Variants in REC8 observed in about 807,000 individuals in gnomAD.
REC8 encodes the protein meiotic recombination protein REC8 homolog.
Under a neutral mutation model 78.3 loss-of-function variants are expected in REC8, and 42 were observed. The ratio of observed to expected loss-of-function variants is 0.54; its 90% CI spans 0.42 to 0.69. The LOEUF is 0.69. Among genes scored for constraint, REC8 ranks in the 30% least tolerant of loss-of-function variants. The probability of loss-of-function intolerance (pLI) is 0.00; values close to 1 mark genes in which losing one functional copy is unlikely to be tolerated. For missense variants in REC8, 581 were observed against 715.8 expected (o/e 0.81, Z 2.15); for synonymous variants, 268 against 274.1 (o/e 0.98, Z 0.22).
rs1289789859 is a variant in REC8 at position 24,179,129 on chromosome 14, T to C, written c.1248T>C (p.Ser416=). Residue 416 remains serine, a synonymous_variant, in exon 15 of 19, where the codon TCT becomes TCC. Transcript: ENST00000611366. ...AGCCCAGTGTTCCCCTTATGGTGTC[T>C]TTAGGTAAGCACCTAGAGAAGAGGC... ...ALEPSVPLMV[S]LEISLEAAEE... 1.3e-6 allele frequency: 2 copies of C among 1,573,928 alleles called. No homozygotes were observed. Among genetic ancestry groups the C allele is most frequent in the Non-Finnish European group, 1.7e-6 (2 of 1,159,372 alleles).
intron 5 of REC8, among the ~76,000 whole-genome samples, chr14:24,174,567 C>T (rs1213514479): frequency 4.6e-5 from 7 of 152,144 alleles, no homozygotes; most frequent in South Asian, 4.1e-4. Context: ...TGTGAACCAC[C>T]GTGCCTGGCA....
intron 11 of REC8, 50 bp from the exon 12 acceptor site, chr14:24,178,041 A>G: frequency 6.3e-7 from 1 of 1,575,926 alleles, no homozygotes; most frequent in Non-Finnish European, 8.6e-7. Flanking sequence ...GAATGACAGG[A>G]AAAGGAGTAA....
At chr14:24,180,586 G>C, downstream of REC8, 2 of 1,613,014 alleles carry the variant, frequency 1.2e-6, no homozygotes, top group Non-Finnish European at 8.5e-7. Flanking sequence ...GGTGGAGAGG[G>C]AGGGAGAAAG....
intron 15 of REC8, 104 bp from the exon 16 acceptor site, chr14:24,179,293 T>C: frequency 7.4e-7 from 1 of 1,349,158 alleles, no homozygotes; most frequent in Non-Finnish European, 1.1e-6. Flanking sequence ...TATGTGCTTT[T>C]AACAAGTCAC....
intron 2 of REC8, 26 bp from the exon 3 acceptor site, chr14:24,172,873 G>T (rs371053208): frequency 6.2e-7 from 1 of 1,613,438 alleles, no homozygotes; most frequent in African/African-American, 1.3e-5. Context: ...TGGACGCAGC[G>T]GTAATCAGGG....
downstream of REC8, chr14:24,180,597 G>A (rs1291431114): frequency 6.2e-7 from 1 of 1,612,408 alleles, no homozygotes; most frequent in Non-Finnish European, 8.5e-7. Context: ...AGGGAGAAAG[G>A]TCGGGGCTCC....
chr14:24,174,618 T>G (rs953523744), intron 5 of REC8, among the ~76,000 whole-genome samples: 1 of 152,162 alleles, frequency 6.6e-6, no homozygotes, highest in Non-Finnish European at 1.5e-5. Context: ...GACTTCTCTC[T>G]CAGTCCTCTG....
rs1284738266 is a variant in REC8 at position 24,178,842 on chromosome 14, C to T, written c.1129C>T (p.Leu377Phe). Residue 377 changes from leucine to phenylalanine, a missense_variant, in exon 14 of 19, where the codon CTC becomes TTC. Transcript: ENST00000611366. ...TTGTGCCCAGCCACCCCCAAAAGCCCTCAGGCGAGAGCTGCCTGAGGAGGC... is the reference window on the plus strand; with the variant it reads ...TTGTGCCCAGCCACCCCCAAAAGCCTTCAGGCGAGAGCTGCCTGAGGAGGC... ...THCAQPPPKA[L>F]RRELPEEAAA... is the part of the protein sequence containing the mutation. 6 of 1,613,706 alleles carry T rather than the reference C, an allele frequency of 3.7e-6. No homozygotes were observed. The highest frequency in any genetic ancestry group is 5.1e-6 in the Non-Finnish European group (6 of 1,180,018).
rs1474290139 is a variant in REC8, at chr14:24,178,916, G to A, written c.1203G>A (p.Glu401=). Residue 401 remains glutamate (E), a splice_region_variant and synonymous_variant, in exon 14 of 19, where the codon GAG becomes GAA. Transcript: ENST00000611366. ...RRKIEVPSEI[E]VPREALEPSV... ...AGATTGAAGTTCCAAGTGAGATTGA[G>A]GTAACTGCACCACCTGTTTACTGCA... 12 of 1,613,162 alleles carry A rather than the reference G, an allele frequency of 7.4e-6. 1 individual carries two copies. The South Asian group carries it at 1.1e-4, about 15-fold the overall frequency.
downstream of REC8, chr14:24,180,301 C>A (rs1051791051): frequency 4.6e-6 from 7 of 1,508,304 alleles, no homozygotes; most frequent in Non-Finnish European, 6.2e-6. Context: ...TCAGGGACAG[C>A]CCTGTAAGGC....
chr14:24,174,085 GA>G lies in REC8; in HGVS notation c.462+676del, dbSNP rs534852363. Among the ~76,000 whole-genome samples, 663 of 151,902 alleles carry G rather than the reference GA, an allele frequency of 4.4e-3. 5 individuals carry two copies. The Middle Eastern group carries it at 0.048, about 11-fold the overall frequency. Reference sequence around the variant, plus strand: ...TCACCATGCTGGCCAGGCTGGTTTCGAACCCCTGACCTCATGATCTGCCTGT... The same window carrying G: ...TCACCATGCTGGCCAGGCTGGTTTCGACCCCTGACCTCATGATCTGCCTGT... On this transcript the variant is annotated intron_variant, in intron 5 of 18. Coordinates refer to ENST00000611366, the MANE Select transcript of REC8 (RefSeq NM_001048205.2).
At chr14:24,173,772 G>A (rs1016632432) in intron 5 of REC8, among the ~76,000 whole-genome samples, 9 of 152,052 alleles carry the variant, frequency 5.9e-5, no homozygotes, top group African/African-American at 2.2e-4. Context: ...CCCCTTCCTT[G>A]GTTCCCCATT....
Position 24,179,381 on chromosome 14 carries a change from T to C in REC8, c.1253-16T>C, listed in dbSNP as rs60565804. The C allele has an allele frequency of 7.8e-3, 12,665 of 1,613,650 alleles. 873 individuals are homozygous for C. The African/African-American group carries it at 0.15, about 19-fold the overall frequency. On this transcript the variant is annotated splice_polypyrimidine_tract_variant and intron_variant, in intron 15 of 18. Transcript: ENST00000611366. ...ACCCAAGCAGACACCCACTAGCGCC[T>C]TTCCTCCCCCAACAGAGATCTCCCT...
chr14:24,180,374 C>T (rs1045420025), downstream of REC8: 3 of 1,557,742 alleles, frequency 1.9e-6, no homozygotes, highest in Non-Finnish European at 2.6e-6. Context: ...CAGAACTGAA[C>T]TGGGCTGAGA....
downstream of REC8, chr14:24,180,783 A>G: frequency 1.2e-6 from 2 of 1,609,554 alleles, no homozygotes; most frequent in South Asian, 1.1e-5. Context: ...TGGCTGACTC[A>G]GGGCAGCAGC....
chr14:24,177,795 C>T, intron 11 of REC8, 37 bp downstream of exon 11: 1 of 1,528,716 alleles, frequency 6.5e-7, no homozygotes, highest in Non-Finnish European at 8.8e-7. Flanking sequence ...TCCTCCTCCT[C>T]TTTGCCCTCC....
In REC8 at chr14:24,179,597, C is replaced by T. The variant is rs889446790; in HGVS notation, c.1322C>T (p.Ala441Val). 9 of 1,614,074 alleles carry T rather than the reference C, an allele frequency of 5.6e-6. No homozygotes were observed. Among genetic ancestry groups the T allele is most frequent in the Non-Finnish European group, 7.6e-6 (9 of 1,180,024 alleles). Residue 441 changes from alanine (A) to valine (V), a missense_variant and splice_region_variant, in exon 17 of 19, where the codon GCC (alanine) becomes GTC (valine). Coordinates refer to ENST00000611366, the MANE Select transcript of REC8 (RefSeq NM_001048205.2). The stretch of plus-strand genomic sequence containing the variant: ...CCTACTCTCTCATGTCCTCCTAGGG[C>T]CTGGCCTGAGGTGGAGGCGCCAGAA... ...ISLIPPEERW[A>V]WPEVEAPEAP...
chr14:24,175,462 T>C (rs1303016183), intron 5 of REC8, 81 bp from the exon 6 acceptor site: 1 of 1,070,064 alleles, frequency 9.3e-7, no homozygotes, highest in East Asian at 2.4e-5. Flanking sequence ...TTACCGTGCA[T>C]TGTTGAAGAA....
In REC8 at chr14:24,172,773, G is replaced by A. The variant is rs747157808; in HGVS notation, c.117G>A (p.Val39=). Residue 39 remains valine (V), a synonymous_variant, in exon 2 of 19, where the codon GTG becomes GTA. Transcript: ENST00000611366. ...GCGAATACCTGAGGGTGAATGTGGTGAAAACCTGGTAAGGCCCAGAAAAGG... is the reference window on the plus strand; with the variant it reads ...GCGAATACCTGAGGGTGAATGTGGTAAAAACCTGGTAAGGCCCAGAAAAGG... ...VKREYLRVNV[V]KTCEEILNYV... is the part of the protein sequence containing the mutation. The A allele has an allele frequency of 1.9e-6, 3 of 1,614,178 alleles. No homozygotes were observed. Among genetic ancestry groups the A allele is most frequent in the Non-Finnish European group, 2.5e-6 (3 of 1,180,022 alleles).
Sources: allele counts gnomAD v4.1 joint callset (sites outside exome capture counted in the v4.1 genomes callset), GRCh38; gene constraint gnomAD v4.1.1; transcripts MANE v1.5; gene names NCBI Gene and HGNC (gene_info 2026-07-23, HGNC 2026-07-21).